LMNB1: variants seen among roughly 807,000 people sequenced by gnomAD.
LMNB1 encodes the protein lamin B1, also known as lamin-B1.
LMNB1 carries 23 observed loss-of-function variants against 67.1 expected under a neutral mutation model. The observed-to-expected ratio is 0.34, with a 90% CI of 0.25 to 0.49. LMNB1 has a LOEUF of 0.49. LMNB1 is among the 20% of genes least tolerant of loss of function. LMNB1 has a pLI of 0.99. For synonymous variants in LMNB1, 281 were observed against 282.9 expected, an observed-to-expected ratio of 0.99 and a Z score of 0.07; for missense variants, 634 against 746.5, an observed-to-expected ratio of 0.85 and a Z score of 1.76.
chr5:126,812,718 C>CTTTT lies in LMNB1; in HGVS notation c.939+841_939+844dup, dbSNP rs11430160. On this transcript the variant is annotated intron_variant, in intron 5 of 10. Coordinates refer to ENST00000261366, the MANE Select transcript of LMNB1 (RefSeq NM_005573.4). ...CCACATGAGAATAAACTTTATTTTA[C>CTTTT]TTTTTTTTTTTTTTTTTTTTTTTTC... Among the ~76,000 whole-genome samples the CTTTT allele has an allele frequency of 1.8e-3, 214 of 117,132 alleles. 1 individual carries two copies. Among genetic ancestry groups the CTTTT allele is most frequent in the African/African-American group, 5.5e-3 (161 of 29,414 alleles). The allele number at this position is 117,132 out of a possible 152,430, so 76.8% of individuals were successfully genotyped here.
intron 1 of LMNB1, among the ~76,000 whole-genome samples, chr5:126,792,228 C>T (rs1036594194): frequency 6.6e-6 from 1 of 151,270 alleles, no homozygotes. Flanking sequence ...CTGCAACCTC[C>T]GCCTCCTGTG....
intron 1 of LMNB1, among the ~76,000 whole-genome samples, chr5:126,793,832 C>A (rs1273167711): frequency 6.6e-6 from 1 of 151,966 alleles, no homozygotes; most frequent in Non-Finnish European, 1.5e-5. Flanking sequence ...GCTGAGATTG[C>A]GCCATTGCAC....
chr5:126,834,245 C>T (rs961424123), intron 10 of LMNB1, among the ~76,000 whole-genome samples: 2 of 150,708 alleles, frequency 1.3e-5, no homozygotes, highest in African/African-American at 4.9e-5. Context: ...CTTGCTGTGT[C>T]GCCAGGCTGG....
chr5:126,832,072 C>T (rs1349083647), intron 9 of LMNB1, among the ~76,000 whole-genome samples: 2 of 152,024 alleles, frequency 1.3e-5, no homozygotes, highest in African/African-American at 4.8e-5. Flanking sequence ...TCAAGACCAG[C>T]CTGGCCAACG....
chr5:126,832,559 C>G (rs779166862), intron 9 of LMNB1, 135 bp from the exon 10 acceptor site: 2 of 553,462 alleles, frequency 3.6e-6, no homozygotes, highest in Non-Finnish European at 6.5e-6. Flanking sequence ...CTTGGCCTCC[C>G]AAAGTGCTGG....
chr5:126,778,405 T>G (rs1047554506), intron 1 of LMNB1, among the ~76,000 whole-genome samples: 32 of 152,222 alleles, frequency 2.1e-4, no homozygotes, highest in African/African-American at 7.5e-4. Context: ...TCCCGCAGCA[T>G]CCGCGTCTCC....
chr5:126,804,117 A>T lies in LMNB1; in HGVS notation c.360-659A>T, dbSNP rs552933734. Among the ~76,000 whole-genome samples the T allele has an allele frequency of 1.1e-4, 16 of 151,636 alleles. No individual in the cohort carries two copies. The East Asian group carries it at 2.3e-3, about 22-fold the overall frequency. On this transcript the variant is annotated intron_variant, in intron 1 of 10. Transcript: ENST00000261366. The stretch of plus-strand genomic sequence containing the variant: ...GAGACTGGGTCTTGGTCTACTGCCC[A>T]GCTGCAGTACAGTTGTGCAGTCATG...
chr5:126,827,333 A>G (rs1462517946), intron 9 of LMNB1, among the ~76,000 whole-genome samples: 1 of 152,170 alleles, frequency 6.6e-6, no homozygotes, highest in African/African-American at 2.4e-5. Context: ...GGAATAAGAT[A>G]AAGTGATTTT....
At chr5:126,803,814 G>A (rs900869527) in intron 1 of LMNB1, among the ~76,000 whole-genome samples, 2 of 152,158 alleles carry the variant, frequency 1.3e-5, no homozygotes, top group South Asian at 2.1e-4. Context: ...GCCTTCCAAA[G>A]TGCTGGGATT....
In LMNB1 at chr5:126,805,629, T is replaced by C. The variant is rs1751396157; in HGVS notation, c.575T>C (p.Val192Ala). 6.2e-7 allele frequency: 1 copy of C among 1,612,638 alleles called. No homozygotes were observed. Among genetic ancestry groups the C allele is most frequent in the Non-Finnish European group, 8.5e-7 (1 of 1,178,730 alleles). ...KQLADETLLKVDLENRCQSLT... is the reference protein window; with the variant it reads ...KQLADETLLKADLENRCQSLT... ...TTAGCAGATGAAACTTTACTTAAAG[T>C]AGATTTGGAGAATCGTTGTCAGAGC... Residue 192 changes from valine (V) to alanine (A), a missense_variant, in exon 3 of 11, where the codon GTA becomes GCA. Val to Ala is a moderately conservative substitution (Grantham distance 64). Coordinates refer to ENST00000261366, the MANE Select transcript of LMNB1 (RefSeq NM_005573.4).
At chr5:126,832,629 G>T (rs1752162102) in intron 9 of LMNB1, 65 bp from the exon 10 acceptor site, 1 of 1,119,734 alleles carries the variant, frequency 8.9e-7, no homozygotes, top group Non-Finnish European at 1.3e-6. Context: ...CAAAGAAAAG[G>T]TCCCTCTCCC....
chr5:126,787,546 A>ATATTTTTTTTTTTTT, intron 1 of LMNB1, among the ~76,000 whole-genome samples: 7 of 65,574 alleles, frequency 1.1e-4, no homozygotes, highest in African/African-American at 2.0e-4. Flanking sequence ...ATATATATAT[A>ATATTTTTTTTTTTTT]TTTTTTTTTT....
At chr5:126,826,201 C>G in intron 9 of LMNB1, 94 bp downstream of exon 9, 1 of 1,376,254 alleles carries the variant, frequency 7.3e-7, no homozygotes, top group Non-Finnish European at 1.0e-6. Context: ...GTGCAATAAC[C>G]GATTGCATAA....
Position 126,777,524 on chromosome 5 carries a change from C to A in LMNB1, c.16C>A (p.Pro6Thr). 1 of 1,386,888 alleles carries A rather than the reference C, an allele frequency of 7.2e-7. No homozygotes were observed. The highest frequency in any genetic ancestry group is 9.3e-7 in the Non-Finnish European group (1 of 1,069,750). The allele number at this position is 1,386,888 out of a possible 1,614,324, so 85.9% of individuals were successfully genotyped here. A position where few individuals can be genotyped will look rare whatever the true frequency, so the allele number is the denominator to read the frequency against. ...GCCGCCCGCCATGGCGACTGCGACC[C>A]CCGTGCCGCCGCGGATGGGCAGCCG... MATATPVPPRMGSRAG... is the reference protein window; with the variant it reads MATATTVPPRMGSRAG... Residue 6 changes from proline (P) to threonine (T), a missense_variant, in exon 1 of 11, where the codon CCC becomes ACC. Coordinates refer to ENST00000261366, the MANE Select transcript of LMNB1 (RefSeq NM_005573.4).
Position 126,810,122 on chromosome 5 carries a change from G to A in LMNB1, c.643-58G>A. ...CAGATGGCTGTGATGTCACTCAGAT[G>A]TGTACCAATGCAGCCATGGTAAGTA... On this transcript the variant is annotated intron_variant, in intron 3 of 10. Coordinates refer to ENST00000261366, the MANE Select transcript of LMNB1 (RefSeq NM_005573.4). 2.7e-6 allele frequency: 4 copies of A among 1,499,186 alleles called. No homozygotes were observed. In the South Asian group the frequency reaches 3.6e-5, roughly 13 times the overall value. The allele number at this position is 1,499,186 out of a possible 1,614,324, so 92.9% of individuals were successfully genotyped here. A position where few individuals can be genotyped will look rare whatever the true frequency, so the allele number is the denominator to read the frequency against.
intron 1 of LMNB1, among the ~76,000 whole-genome samples, chr5:126,803,104 TG>T (rs1319969672): frequency 6.7e-6 from 1 of 148,636 alleles, no homozygotes; most frequent in East Asian, 2.1e-4. Flanking sequence ...GAGAACCACT[TG>T]AAACCAGGAG....
chr5:126,778,053 C>T lies in LMNB1; in HGVS notation c.359+186C>T, dbSNP rs546612432. ...AGAGTTCATAGCGGAGCAGGGGTCG[C>T]GGAGGGGGCTCGAGCTGTAGCGCTG... is the stretch of plus-strand genomic sequence containing the variant. On this transcript the variant is annotated intron_variant, in intron 1 of 10. Transcript: ENST00000261366. 3.9e-5 allele frequency among the ~76,000 whole-genome samples: 6 copies of T among 152,238 alleles called. No homozygotes were observed. In the South Asian group the frequency reaches 1.2e-3, roughly 32 times the overall value.
intron 8 of LMNB1, among the ~76,000 whole-genome samples, chr5:126,824,663 C>G (rs977307608): frequency 2.0e-5 from 3 of 152,326 alleles, no homozygotes; most frequent in Admixed American, 6.5e-5. Flanking sequence ...TAACATTCCA[C>G]ATAGTCTGAA....
At chr5:126,795,666 C>T (rs1288006533) in intron 1 of LMNB1, among the ~76,000 whole-genome samples, 1 of 152,076 alleles carries the variant, frequency 6.6e-6, no homozygotes, top group Non-Finnish European at 1.5e-5. Context: ...CTCTGTCGCC[C>T]AGGCTGGAGT....
Sources: gnomAD v4.1 joint callset for allele counts (sites outside exome capture counted in the v4.1 genomes callset) on GRCh38, gnomAD v4.1.1 for gene constraint, MANE v1.5 for transcripts, NCBI Gene and HGNC (gene_info 2026-07-23, HGNC 2026-07-21) for gene names.